The following DTNB variants were observed in gnomAD, a reference collection of about 807,000 sequenced individuals.
The protein encoded by DTNB is dystrobrevin beta.
DTNB carries 63 observed loss-of-function variants against 90.7 expected under a neutral mutation model. The ratio of observed to expected loss-of-function variants is 0.69; its 90% CI spans 0.57 to 0.86. DTNB has a LOEUF of 0.86. Ranked by LOEUF, DTNB falls within the 40% of genes least tolerant of loss-of-function variation. The pLI is 0.00. For synonymous variants in DTNB, 277 were observed against 286.7 expected, an observed-to-expected ratio of 0.97 and a Z score of 0.34; for missense variants, 744 against 807.1, an observed-to-expected ratio of 0.92 and a Z score of 0.95.
intron 2 of DTNB, among the ~76,000 whole-genome samples, chr2:25,652,021 G>A (rs2081034628): frequency 1.3e-5 from 2 of 152,228 alleles, no homozygotes; most frequent in Non-Finnish European, 2.9e-5. Flanking sequence ...ACATAGACAA[G>A]TAGTCACAGA....
chr2:25,668,279 C>CA (rs1302909925), intron 1 of DTNB, among the ~76,000 whole-genome samples: 2 of 152,022 alleles, frequency 1.3e-5, no homozygotes, highest in Non-Finnish European at 2.9e-5. Flanking sequence ...TATCAAGTCG[C>CA]AAAAAAGACT....
chr2:25,647,123 A>G (rs576427821), intron 2 of DTNB, among the ~76,000 whole-genome samples: 1 of 152,360 alleles, frequency 6.6e-6, no homozygotes, highest in East Asian at 1.9e-4. Flanking sequence ...GAAAGCCAGC[A>G]TTAGCTCTAT....
At chr2:25,555,737 T>A (rs982098254) in intron 8 of DTNB, among the ~76,000 whole-genome samples, 13 of 152,150 alleles carry the variant, frequency 8.5e-5, no homozygotes, top group Non-Finnish European at 4.4e-5. Context: ...CTTTCCTGGC[T>A]GGGTACAGTG....
chr2:25,569,549 C>T (rs1460999752), intron 8 of DTNB, among the ~76,000 whole-genome samples: 1 of 152,038 alleles, frequency 6.6e-6, no homozygotes, highest in Non-Finnish European at 1.5e-5. Flanking sequence ...TTGGGATCTG[C>T]ACACTCCGCA....
At chr2:25,396,626 C>T (rs771764283) in intron 16 of DTNB, among the ~76,000 whole-genome samples, 8 of 150,228 alleles carry the variant, frequency 5.3e-5, no homozygotes, top group East Asian at 3.9e-4. Flanking sequence ...GCTTGGGTGA[C>T]GGGGGCACCA....
At chr2:25,491,411 T>C (rs1370603751) in intron 9 of DTNB, among the ~76,000 whole-genome samples, 1 of 152,210 alleles carries the variant, frequency 6.6e-6, no homozygotes, top group East Asian at 1.9e-4. Context: ...TTTTTACTAT[T>C]ATATTTCAAG....
chr2:25,449,345 C>G (rs1325931823), intron 12 of DTNB, among the ~76,000 whole-genome samples: 1 of 152,174 alleles, frequency 6.6e-6, no homozygotes, highest in African/African-American at 2.4e-5. Context: ...GGATAAATAT[C>G]TAAGAGTAGA....
chr2:25,643,656 C>T (rs796660940), intron 2 of DTNB, among the ~76,000 whole-genome samples: 6 of 152,292 alleles, frequency 3.9e-5, no homozygotes, highest in African/African-American at 1.4e-4. Context: ...GTGTATTACA[C>T]GCTCATGCTT....
intron 2 of DTNB, among the ~76,000 whole-genome samples, chr2:25,640,142 C>A (rs2077940270): frequency 6.6e-6 from 1 of 152,118 alleles, no homozygotes; most frequent in Non-Finnish European, 1.5e-5. Context: ...TAGAACAAAG[C>A]CTAAAATTAT....
At chr2:25,649,162 G>A (rs564532984) in intron 2 of DTNB, among the ~76,000 whole-genome samples, 6 of 151,980 alleles carry the variant, frequency 3.9e-5, no homozygotes, top group South Asian at 2.1e-4. Context: ...CTGCCAGCAC[G>A]CCCAGCTAAT....
chr2:25,529,006 C>G (rs193184396), intron 9 of DTNB, among the ~76,000 whole-genome samples: 1 of 152,270 alleles, frequency 6.6e-6, no homozygotes, highest in African/African-American at 2.4e-5. Flanking sequence ...GATCAAAAAT[C>G]TCAACAAAAT....
chr2:25,407,712 G>A (rs966722539), intron 16 of DTNB, among the ~76,000 whole-genome samples: 2 of 152,178 alleles, frequency 1.3e-5, no homozygotes, highest in Non-Finnish European at 2.9e-5. Context: ...ATAAGTGGGA[G>A]CTAAGCTATG....
At chr2:25,519,170 G>A (rs535141758) in intron 9 of DTNB, among the ~76,000 whole-genome samples, 3 of 151,884 alleles carry the variant, frequency 2.0e-5, no homozygotes, top group Non-Finnish European at 2.9e-5. Context: ...CAAGACTAGC[G>A]TGGGCAACAT....
intron 1 of DTNB, among the ~76,000 whole-genome samples, chr2:25,671,211 T>G (rs975137667): frequency 6.6e-6 from 1 of 152,158 alleles, no homozygotes; most frequent in Non-Finnish European, 1.5e-5. Context: ...TATATAGGGT[T>G]TGGAATTAAC....
At chr2:25,607,788 C>T (rs1423012709) in intron 4 of DTNB, among the ~76,000 whole-genome samples, 3 of 152,158 alleles carry the variant, frequency 2.0e-5, no homozygotes, top group African/African-American at 4.8e-5. Flanking sequence ...TTTTATAGTA[C>T]ATTCATCTTT....
chr2:25,493,433 A>ATT (rs1426775874), intron 9 of DTNB, among the ~76,000 whole-genome samples: 2 of 152,172 alleles, frequency 1.3e-5, no homozygotes, highest in African/African-American at 4.8e-5. Flanking sequence ...TTTAAAACAA[A>ATT]TGTAAAACCC....
intron 4 of DTNB, among the ~76,000 whole-genome samples, chr2:25,609,375 G>A (rs1242810421): frequency 6.6e-6 from 1 of 152,132 alleles, no homozygotes; most frequent in African/African-American, 2.4e-5. Flanking sequence ...GAGGCAGGCA[G>A]ATCACCTGAG....
At chr2:25,516,913 A>C (rs886617318) in intron 9 of DTNB, among the ~76,000 whole-genome samples, 4 of 152,160 alleles carry the variant, frequency 2.6e-5, no homozygotes, top group Non-Finnish European at 5.9e-5. Flanking sequence ...TAAAAAAGTT[A>C]AATATATGCT....
At chr2:25,392,162 A>C (rs780441484) in intron 16 of DTNB, among the ~76,000 whole-genome samples, 1 of 152,172 alleles carries the variant, frequency 6.6e-6, no homozygotes, top group Non-Finnish European at 1.5e-5. Context: ...TAATCCCAGC[A>C]CTTTGGGAGG....
Sources: gnomAD v4.1 joint callset for allele counts (sites outside exome capture counted in the v4.1 genomes callset) on GRCh38, gnomAD v4.1.1 for gene constraint, MANE v1.5 for transcripts, NCBI Gene and HGNC (gene_info 2026-07-23, HGNC 2026-07-21) for gene names.